The following NRXN1 variants were observed in gnomAD, a reference collection of about 807,000 sequenced individuals.
NRXN1 encodes neurexin 1.
A neutral mutation model predicts 150.9 loss-of-function variants in NRXN1; 39 were observed. That is an observed-to-expected ratio of 0.26 (90% CI 0.20 to 0.34). NRXN1 has a LOEUF of 0.34. NRXN1 is among the 10% of genes least tolerant of loss of function. The pLI, the probability that NRXN1 is intolerant of heterozygous loss-of-function variation, is 1.00. For missense variants in NRXN1, 1,815 were observed against 1,949.9 expected (o/e 0.93, Z 1.30); for synonymous variants, 924 against 757.0 (o/e 1.22, Z -3.62).
chr2:50,683,398 C>T (rs879501170), intron 5 of NRXN1, among the ~76,000 whole-genome samples: 41 of 150,204 alleles, frequency 2.7e-4, no homozygotes, highest in African/African-American at 9.1e-4. Context: ...TTTGGGAGGC[C>T]GAGGTGGGCG....
At chr2:50,557,193 T>A (rs183844330) in intron 8 of NRXN1, among the ~76,000 whole-genome samples, 92 of 152,294 alleles carry the variant, frequency 6.0e-4, no homozygotes, top group Non-Finnish European at 1.0e-3. Context: ...AGCGGGAGTA[T>A]GTGAAATTCA....
chr2:50,738,910 G>A (rs1699093004), intron 5 of NRXN1, among the ~76,000 whole-genome samples: 1 of 152,228 alleles, frequency 6.6e-6, no homozygotes, highest in East Asian at 1.9e-4. Flanking sequence ...TTCTGGAGGG[G>A]CAATTAGAAT....
At chr2:50,094,213 TC>T (rs1183393972) in intron 18 of NRXN1, among the ~76,000 whole-genome samples, 1 of 152,226 alleles carries the variant, frequency 6.6e-6, no homozygotes, top group African/African-American at 2.4e-5. Context: ...CATTACTGTT[TC>T]CATCTTACAA....
At chr2:51,018,765 G>C (rs1303878506) in intron 2 of NRXN1, among the ~76,000 whole-genome samples, 1 of 152,070 alleles carries the variant, frequency 6.6e-6, no homozygotes, top group African/African-American at 2.4e-5. Flanking sequence ...CTCTGAAAGA[G>C]ATGAAAACTT....
intron 16 of NRXN1, among the ~76,000 whole-genome samples, chr2:50,466,714 T>A (rs972674187): frequency 6.6e-6 from 1 of 151,714 alleles, no homozygotes; most frequent in Non-Finnish European, 1.5e-5. Context: ...CATATGTATA[T>A]ATATAATGGT....
chr2:50,273,629 T>C (rs973621047), intron 17 of NRXN1, among the ~76,000 whole-genome samples: 2 of 152,100 alleles, frequency 1.3e-5, no homozygotes, highest in African/African-American at 4.8e-5. Flanking sequence ...AAACCTGACA[T>C]AGGAAGGGCC....
intron 17 of NRXN1, among the ~76,000 whole-genome samples, chr2:50,429,472 G>A (rs1475254463): frequency 6.6e-6 from 1 of 152,034 alleles, no homozygotes; most frequent in African/African-American, 2.4e-5. Flanking sequence ...GGCCAGGCTG[G>A]TCTTGCACTC....
At chr2:50,097,827 C>A (rs1275082277) in intron 18 of NRXN1, among the ~76,000 whole-genome samples, 2 of 151,994 alleles carry the variant, frequency 1.3e-5, no homozygotes, top group Non-Finnish European at 2.9e-5. Flanking sequence ...TTGGTAGAGG[C>A]AGGGTTTTTC....
chr2:50,790,846 T>C (rs1705838398), intron 5 of NRXN1, among the ~76,000 whole-genome samples: 1 of 152,114 alleles, frequency 6.6e-6, no homozygotes, highest in Non-Finnish European at 1.5e-5. Flanking sequence ...CTGTGTATTG[T>C]GTGCTTGTAT....
intron 2 of NRXN1, among the ~76,000 whole-genome samples, chr2:50,986,640 G>A (rs952589691): frequency 6.6e-6 from 1 of 151,228 alleles, no homozygotes; most frequent in Non-Finnish European, 1.5e-5. Context: ...TATCGATTTT[G>A]CCCTTATGCA....
chr2:50,993,237 C>T (rs77041760), intron 2 of NRXN1, among the ~76,000 whole-genome samples: 4,800 of 151,842 alleles, frequency 0.032, 106 homozygotes, highest in South Asian at 0.06. Context: ...CATTAATAGA[C>T]GATAATCTAA....
rs1049607606 is a variant in NRXN1, at chr2:50,987,000, T to C, written c.772+40502A>G. Among the ~76,000 whole-genome samples, 11 of 151,904 alleles carry C rather than the reference T, an allele frequency of 7.2e-5. 1 individual carries two copies. Among genetic ancestry groups the C allele is most frequent in the Admixed American group, 3.9e-4 (6 of 15,198 alleles). ...TGGAGGACTCTTTTCCATTTCACAA[T>C]ACATTTCTATATGCTATTCATCTTT... On this transcript the variant is annotated intron_variant, in intron 2 of 22. Coordinates refer to ENST00000401669, the MANE Select transcript of NRXN1 (RefSeq NM_001330078.2).
chr2:50,173,042 G>A (rs6754445), intron 18 of NRXN1, among the ~76,000 whole-genome samples: 3 of 152,096 alleles, frequency 2.0e-5, no homozygotes, highest in Admixed American at 6.6e-5. Context: ...AAACATATAC[G>A]CGCAATCTAT....
At chr2:50,637,584 A>G (rs1683417334) in intron 5 of NRXN1, 1 of 152,254 alleles carries the variant, frequency 6.6e-6, no homozygotes, top group Admixed American at 6.5e-5. Context: ...GGGTAAACCC[A>G]AACTCTTGAA....
intron 5 of NRXN1, among the ~76,000 whole-genome samples, chr2:50,745,073 C>T (rs1461553463): frequency 1.3e-5 from 2 of 152,104 alleles, no homozygotes; most frequent in Non-Finnish European, 2.9e-5. Flanking sequence ...AGGCAGGCTT[C>T]AGAATTCAGC....
chr2:50,973,291 G>T (rs1695305020), intron 2 of NRXN1, among the ~76,000 whole-genome samples: 1 of 152,070 alleles, frequency 6.6e-6, no homozygotes, highest in African/African-American at 2.4e-5. Flanking sequence ...GGCAAACACT[G>T]GTCACAGAAA....
intron 18 of NRXN1, among the ~76,000 whole-genome samples, chr2:50,142,402 T>C (rs1337203867): frequency 6.6e-6 from 1 of 151,794 alleles, no homozygotes. Context: ...GATAGCACAG[T>C]AGGGTGACTA....
intron 21 of NRXN1, among the ~76,000 whole-genome samples, chr2:50,040,363 A>ATT (rs1320705121): frequency 2.7e-5 from 4 of 150,662 alleles, no homozygotes; most frequent in Non-Finnish European, 5.9e-5. Flanking sequence ...TATATCAAGT[A>ATT]TTATATATAT....
At chr2:50,842,367 A>C (rs1250285850) in intron 5 of NRXN1, among the ~76,000 whole-genome samples, 1 of 152,232 alleles carries the variant, frequency 6.6e-6, no homozygotes, top group African/African-American at 2.4e-5. Context: ...GCAATTTCTT[A>C]GATCATCTTT....
Sources: gnomAD v4.1 joint callset for allele counts (sites outside exome capture counted in the v4.1 genomes callset) on GRCh38, gnomAD v4.1.1 for gene constraint, MANE v1.5 for transcripts, NCBI Gene and HGNC (gene_info 2026-07-23, HGNC 2026-07-21) for gene names.